Variants in ZNF804B observed in about 807,000 individuals in gnomAD.
ZNF804B encodes zinc finger protein 804B.
Under a neutral mutation model 101.4 loss-of-function variants are expected in ZNF804B, and 80 were observed. The observed-to-expected ratio is 0.79, with a 90% confidence interval of 0.66 to 0.95. The LOEUF (loss-of-function observed/expected upper bound fraction) is 0.95, where lower values mean the gene tolerates loss of function less well. ZNF804B is among the 40% of genes least tolerant of loss of function. The pLI is 0.00. For synonymous variants in ZNF804B, 622 were observed against 558.8 expected (o/e 1.11, Z -1.59); for missense variants, 1,673 against 1,561.9 (o/e 1.07, Z -1.20).
chr7:89,260,005 AGAGG>A (rs1789687075), intron 2 of ZNF804B, among the ~76,000 whole-genome samples: 1 of 151,890 alleles, frequency 6.6e-6, no homozygotes, highest in East Asian at 1.9e-4. Context: ...AGAGAGAGAG[AGAGG>A]GAGAGAGGGA....
intron 2 of ZNF804B, among the ~76,000 whole-genome samples, chr7:89,268,895 T>C (rs966713109): frequency 6.6e-6 from 1 of 152,104 alleles, no homozygotes; most frequent in African/African-American, 2.4e-5. Context: ...AAGAGAAGAC[T>C]CAGATCAGGC....
At chr7:89,221,025 TC>T (rs1788996754) in intron 2 of ZNF804B, among the ~76,000 whole-genome samples, 1 of 151,938 alleles carries the variant, frequency 6.6e-6, no homozygotes, top group Admixed American at 6.6e-5. Flanking sequence ...TTTGTGTCCT[TC>T]CATAAGGAGG....
At chr7:89,150,671 A>T (rs894784975) in intron 1 of ZNF804B, among the ~76,000 whole-genome samples, 5 of 152,124 alleles carry the variant, frequency 3.3e-5, no homozygotes, top group African/African-American at 1.2e-4. Context: ...ATTTTGGGTC[A>T]TTGCTAAGTA....
At chr7:89,145,879 A>T (rs1298093933) in intron 1 of ZNF804B, among the ~76,000 whole-genome samples, 4 of 151,982 alleles carry the variant, frequency 2.6e-5, no homozygotes, top group African/African-American at 9.7e-5. Flanking sequence ...AAAAAAAGCT[A>T]TTTCTTAACC....
chr7:89,057,438 A>G (rs1482526591), intron 1 of ZNF804B, among the ~76,000 whole-genome samples: 1 of 152,116 alleles, frequency 6.6e-6, no homozygotes, highest in African/African-American at 2.4e-5. Context: ...CCATCCAATG[A>G]CTGGAGCTCA....
At chr7:88,867,159 T>C (rs760824345) in intron 1 of ZNF804B, among the ~76,000 whole-genome samples, 3 of 152,282 alleles carry the variant, frequency 2.0e-5, no homozygotes, top group South Asian at 2.1e-4. Flanking sequence ...ATTAGGGTTC[T>C]CCAGAGAGAC....
chr7:89,011,344 C>T (rs1562859082), intron 1 of ZNF804B, among the ~76,000 whole-genome samples: 1 of 152,122 alleles, frequency 6.6e-6, no homozygotes, highest in East Asian at 1.9e-4. Flanking sequence ...TCATTCTGCC[C>T]CTGGCACCTT....
chr7:88,887,984 A>G (rs1285896652), intron 1 of ZNF804B, among the ~76,000 whole-genome samples: 1 of 152,206 alleles, frequency 6.6e-6, no homozygotes, highest in Non-Finnish European at 1.5e-5. Context: ...TGCTAGTAAT[A>G]CATATTGTCA....
rs915803698 is a variant in ZNF804B, at chr7:89,334,113, T to C, written c.1131T>C (p.Asp377=). The C allele has an allele frequency of 1.5e-5, 24 of 1,613,740 alleles. No homozygotes were observed. The highest frequency in any genetic ancestry group is 4.0e-5 in the African/African-American group (3 of 75,026). Residue 377 remains aspartate (D), a synonymous_variant, in exon 4 of 4, where the codon GAT becomes GAC. Transcript: ENST00000333190. ...FSPPNIYNHS[D]ARISECLDEF... ...CACCAAACATTTACAACCATAGTGA[T>C]GCCAGGATATCTGAATGCCTGGATG...
intron 1 of ZNF804B, among the ~76,000 whole-genome samples, chr7:89,202,554 A>G (rs900820378): frequency 4.6e-5 from 7 of 152,168 alleles, no homozygotes; most frequent in Admixed American, 2.6e-4. Flanking sequence ...TTTTGATTAC[A>G]TGGTTTGAAG....
intron 2 of ZNF804B, among the ~76,000 whole-genome samples, chr7:89,220,093 G>A (rs1239182868): frequency 3.0e-5 from 3 of 99,458 alleles, no homozygotes; most frequent in Admixed American, 1.9e-4. Flanking sequence ...ATATATATAC[G>A]CACATATATA....
intron 1 of ZNF804B, among the ~76,000 whole-genome samples, chr7:88,982,501 G>A (rs543968927): frequency 1.3e-5 from 2 of 152,058 alleles, no homozygotes; most frequent in East Asian, 3.9e-4. Flanking sequence ...ACTTTTAATG[G>A]GGCCTCTCTC....
In ZNF804B at chr7:89,007,449, TATATATA is replaced by T. The variant is rs1349028102; in HGVS notation, c.109-210705_109-210699del. On this transcript the variant is annotated intron_variant, in intron 1 of 3. Coordinates refer to ENST00000333190, the MANE Select transcript of ZNF804B (RefSeq NM_181646.5). ...TTATCTAAAGTTATCCATGATTTTA[TATATATA>T]TATATATATATATATATATATATAT... is the stretch of plus-strand genomic sequence containing the variant. Among the ~76,000 whole-genome samples the T allele has an allele frequency of 3.2e-4, 20 of 61,790 alleles. No individual in the cohort carries two copies. In the East Asian group the frequency reaches 8.1e-3, roughly 25 times the overall value. 40.5% of individuals were successfully genotyped at this position (61,790 alleles called of 152,430 possible).
chr7:89,164,581 T>G (rs1418605448), intron 1 of ZNF804B, among the ~76,000 whole-genome samples: 1 of 152,146 alleles, frequency 6.6e-6, no homozygotes, highest in East Asian at 1.9e-4. Flanking sequence ...TGGTTTTTAT[T>G]ATTCTTGATG....
intron 1 of ZNF804B, among the ~76,000 whole-genome samples, chr7:89,093,870 A>G (rs990177212): frequency 3.3e-5 from 5 of 152,214 alleles, no homozygotes; most frequent in Non-Finnish European, 5.9e-5. Flanking sequence ...AATGACCACA[A>G]TTTACCTGGA....
intron 1 of ZNF804B, among the ~76,000 whole-genome samples, chr7:89,158,455 G>A (rs558780876): frequency 1.3e-5 from 2 of 151,780 alleles, no homozygotes; most frequent in East Asian, 1.9e-4. Flanking sequence ...TCTCTTTTCC[G>A]GTCTCAGGAC....
intron 1 of ZNF804B, among the ~76,000 whole-genome samples, chr7:88,972,761 G>C (rs946270957): frequency 6.0e-5 from 9 of 150,720 alleles, no homozygotes; most frequent in Non-Finnish European, 1.3e-4. Flanking sequence ...AAAAAAACCA[G>C]AACTCCAAGG....
chr7:89,176,502 AT>A lies in ZNF804B; in HGVS notation c.109-41646del, dbSNP rs201894295. 4.7e-3 allele frequency among the ~76,000 whole-genome samples: 686 copies of A among 144,820 alleles called. 7 individuals are homozygous for A. Among genetic ancestry groups the A allele is most frequent in the African/African-American group, 0.016 (637 of 39,084 alleles). ...GTTGTTGAATTTATTTTTAAAAAAT[AT>A]TTTTTTGAGGATTTTTGCATCAGTG... On this transcript the variant is annotated intron_variant, in intron 1 of 3. Transcript: ENST00000333190.
intron 1 of ZNF804B, among the ~76,000 whole-genome samples, chr7:88,790,334 G>T (rs1208710265): frequency 1.3e-5 from 2 of 152,066 alleles, no homozygotes; most frequent in African/African-American, 2.4e-5. Flanking sequence ...GTAGGTAAAT[G>T]TATGCCATGG....
Sources: allele counts gnomAD v4.1 joint callset (sites outside exome capture counted in the v4.1 genomes callset), GRCh38; gene constraint gnomAD v4.1.1; transcripts MANE v1.5; gene names NCBI Gene and HGNC (gene_info 2026-07-23, HGNC 2026-07-21).